The following CSMD1 variants were observed in gnomAD, a reference collection of about 807,000 sequenced individuals.
CSMD1 encodes the protein CUB and Sushi multiple domains 1.
A neutral mutation model predicts 417.5 loss-of-function variants in CSMD1; 213 were observed. The ratio of observed to expected loss-of-function variants is 0.51; its 90% CI spans 0.46 to 0.57. CSMD1 has a LOEUF of 0.57. Ranked by LOEUF, CSMD1 falls within the 20% of genes least tolerant of loss-of-function variation. CSMD1 has a pLI of 0.00. For missense variants in CSMD1, 6,923 were observed against 4,529.7 expected (o/e 1.53, Z -15.17); for synonymous variants, 2,862 against 1,736.8 (o/e 1.65, Z -16.11).
intron 3 of CSMD1, among the ~76,000 whole-genome samples, chr8:4,057,940 T>C (rs1264298699): frequency 6.6e-5 from 10 of 151,262 alleles, no homozygotes; most frequent in South Asian, 2.1e-4. Flanking sequence ...CCTGTAGCCT[T>C]GTAGCATAGT....
chr8:4,731,630 G>A (rs1809872047), intron 1 of CSMD1, among the ~76,000 whole-genome samples: 1 of 152,156 alleles, frequency 6.6e-6, no homozygotes, highest in South Asian at 2.1e-4. Flanking sequence ...CTGCACTCCA[G>A]GAGAAAGGTG....
chr8:4,562,326 C>A (rs570173025), intron 2 of CSMD1, among the ~76,000 whole-genome samples: 19 of 152,192 alleles, frequency 1.2e-4, no homozygotes, highest in African/African-American at 4.1e-4. Context: ...AGTGGGAGGC[C>A]CCCAAGAAAT....
intron 3 of CSMD1, among the ~76,000 whole-genome samples, chr8:4,367,087 G>T (rs926280164): frequency 3.9e-5 from 6 of 152,180 alleles, no homozygotes; most frequent in South Asian, 2.1e-4. Context: ...TATTGCAATT[G>T]CTTTTAGAGA....
intron 49 of CSMD1, among the ~76,000 whole-genome samples, chr8:3,054,367 C>T (rs921051020): frequency 6.6e-6 from 1 of 152,172 alleles, no homozygotes; most frequent in African/African-American, 2.4e-5. Flanking sequence ...CCTGTAATCC[C>T]AGCACTTTGG....
At chr8:4,354,527 T>A (rs956853951) in intron 3 of CSMD1, among the ~76,000 whole-genome samples, 3 of 152,006 alleles carry the variant, frequency 2.0e-5, no homozygotes, top group African/African-American at 7.3e-5. Context: ...TCACTTGATG[T>A]TGTGGAAAAG....
intron 3 of CSMD1, among the ~76,000 whole-genome samples, chr8:4,238,141 G>A (rs188016763): frequency 6.6e-6 from 1 of 152,148 alleles, no homozygotes; most frequent in Non-Finnish European, 1.5e-5. Flanking sequence ...AAAAATGTCT[G>A]GTAAGTCCAG....
rs1476846289 is a variant in CSMD1, at chr8:4,000,495, G to C, written c.611-2385C>G. ...GGCTACTACTGAGATTCAGATATTG[G>C]GCAGAATTCAGCTCTAAGCCCCTTG... On this transcript the variant is annotated intron_variant, in intron 4 of 69. Coordinates refer to ENST00000635120, the MANE Select transcript of CSMD1 (RefSeq NM_033225.6). Among the ~76,000 whole-genome samples, 6 of 152,184 alleles carry C rather than the reference G, an allele frequency of 3.9e-5. No individual in the cohort carries two copies. The East Asian group carries it at 9.6e-4, about 24-fold the overall frequency.
At chr8:4,025,603 A>G (rs927643539) in intron 4 of CSMD1, among the ~76,000 whole-genome samples, 1 of 152,220 alleles carries the variant, frequency 6.6e-6, no homozygotes, top group African/African-American at 2.4e-5. Flanking sequence ...AATCCTTTTT[A>G]AGACTGGCAG....
At chr8:3,802,871 G>C (rs1800533371) in intron 5 of CSMD1, among the ~76,000 whole-genome samples, 1 of 152,000 alleles carries the variant, frequency 6.6e-6, no homozygotes, top group African/African-American at 2.4e-5. Context: ...TAGATGATGT[G>C]GTCTTTAAAA....
chr8:3,307,701 G>A lies in CSMD1; in HGVS notation c.3944C>T (p.Thr1315Ile). The part of the protein sequence containing the change: ...TWIIEADPGK[T>I]ISLHFIVFDT... ...ACCAAAATAAAACAAGTACCTAATGGTCTTTCCTGGGTCTGCCTCTATAAT... is the reference window on the plus strand; with the variant it reads ...ACCAAAATAAAACAAGTACCTAATGATCTTTCCTGGGTCTGCCTCTATAAT... The change falls in exon 25 of 70, where the codon ACC (threonine) becomes ATC (isoleucine). Residue 1315 changes from threonine to isoleucine, a missense_variant. Physicochemically the swap from Thr to Ile is moderately conservative, Grantham distance 89. Coordinates refer to ENST00000635120, the MANE Select transcript of CSMD1 (RefSeq NM_033225.6). The A allele has an allele frequency of 1.2e-5, 19 of 1,613,092 alleles. No homozygotes were observed. The highest frequency in any genetic ancestry group is 1.4e-5 in the Non-Finnish European group (17 of 1,179,428).
At chr8:3,275,706 T>C (rs1802231385) in intron 26 of CSMD1, among the ~76,000 whole-genome samples, 1 of 152,236 alleles carries the variant, frequency 6.6e-6, no homozygotes, top group Non-Finnish European at 1.5e-5. Flanking sequence ...TACCATTTCT[T>C]CCAGTTGATC....
At chr8:3,885,832 C>A (rs914200417) in intron 5 of CSMD1, among the ~76,000 whole-genome samples, 1 of 152,088 alleles carries the variant, frequency 6.6e-6, no homozygotes, top group African/African-American at 2.4e-5. Flanking sequence ...ATGTGTCTGA[C>A]CTGGCAAACG....
intron 10 of CSMD1, among the ~76,000 whole-genome samples, chr8:3,543,084 A>C (rs1229042596): frequency 1.3e-5 from 2 of 152,158 alleles, no homozygotes; most frequent in African/African-American, 4.8e-5. Context: ...TGCAAAGGGA[A>C]CCTGCTTCAT....
At chr8:3,596,038 G>T (rs547991491) in intron 8 of CSMD1, among the ~76,000 whole-genome samples, 66 of 146,804 alleles carry the variant, frequency 4.5e-4, no homozygotes, top group African/African-American at 1.6e-3. Flanking sequence ...CAACGTCAGT[G>T]CCTATTTTCC....
intron 40 of CSMD1, among the ~76,000 whole-genome samples, chr8:3,144,103 G>A (rs1044928685): frequency 2.6e-5 from 4 of 152,160 alleles, no homozygotes; most frequent in East Asian, 3.9e-4. Flanking sequence ...CCTGGGGTCC[G>A]ATTTGCCAAC....
chr8:4,189,261 T>C (rs761205198), intron 3 of CSMD1, among the ~76,000 whole-genome samples: 3 of 152,168 alleles, frequency 2.0e-5, no homozygotes, highest in Non-Finnish European at 4.4e-5. Flanking sequence ...TGCCCATCTG[T>C]AGAGAAACAC....
intron 4 of CSMD1, among the ~76,000 whole-genome samples, chr8:4,013,109 G>T (rs777530694): frequency 1.3e-5 from 2 of 152,088 alleles, no homozygotes; most frequent in African/African-American, 2.4e-5. Context: ...GTCACACGAT[G>T]TCGTTTTTCT....
chr8:4,867,301 A>G (rs372778019), intron 1 of CSMD1, among the ~76,000 whole-genome samples: 11 of 152,100 alleles, frequency 7.2e-5, no homozygotes, highest in African/African-American at 1.9e-4. Flanking sequence ...TGGAAAATTA[A>G]TTGCCCCACT....
intron 1 of CSMD1, among the ~76,000 whole-genome samples, chr8:4,774,809 G>A (rs771194348): frequency 2.2e-4 from 34 of 151,504 alleles, no homozygotes; most frequent in Admixed American, 1.0e-3. Flanking sequence ...ACCCCCACTC[G>A]CTCTTTCTCT....
Sources: gnomAD v4.1 joint callset for allele counts (sites outside exome capture counted in the v4.1 genomes callset) on GRCh38, gnomAD v4.1.1 for gene constraint, MANE v1.5 for transcripts, NCBI Gene and HGNC (gene_info 2026-07-23, HGNC 2026-07-21) for gene names.